The following LYRM4 variants were observed in gnomAD, a reference collection of about 807,000 sequenced individuals.
The protein encoded by LYRM4 is LYR motif-containing protein 4.
LYRM4 carries 9 observed loss-of-function variants against 11.7 expected under a neutral mutation model. The ratio of observed to expected loss-of-function variants is 0.77; its 90% CI spans 0.46 to 1.34. The LOEUF is 1.34. Among genes scored for constraint, LYRM4 ranks in the 40% most tolerant of loss-of-function variants. The pLI, the probability that LYRM4 is intolerant of heterozygous loss-of-function variation, is 0.00. For synonymous variants in LYRM4, 42 were observed against 40.4 expected (o/e 1.04, Z -0.15); for missense variants, 133 against 112.5 (o/e 1.18, Z -0.82).
At chr6:5,178,217 A>AT (rs992057206) in intron 2 of LYRM4, among the ~76,000 whole-genome samples, 3 of 152,102 alleles carry the variant, frequency 2.0e-5, no homozygotes, top group African/African-American at 7.2e-5. Context: ...TTGAGGGTAG[A>AT]TTTTTTTGGT....
At chr6:5,085,581 C>G in the LYRM4 span, 1 of 1,545,068 alleles carries the variant, frequency 6.5e-7, no homozygotes, top group East Asian at 2.4e-5. Flanking sequence ...CCCCGGTGGT[C>G]CCCTGTGTGC....
the LYRM4 span, chr6:5,066,843 G>T: frequency 1.2e-6 from 1 of 806,728 alleles, no homozygotes. Context: ...CTGCGGAGAG[G>T]AGTCAGACAG....
At chr6:5,123,621 C>T (rs527541487) in intron 2 of LYRM4, among the ~76,000 whole-genome samples, 61 of 152,334 alleles carry the variant, frequency 4.0e-4, no homozygotes, top group African/African-American at 1.4e-3. Flanking sequence ...ATAAACTGCC[C>T]TCCTCCCTTT....
At chr6:5,041,477 C>A in the LYRM4 span, among the ~76,000 whole-genome samples, 5 of 152,190 alleles carry the variant, frequency 3.3e-5, no homozygotes, top group Non-Finnish European at 7.3e-5. Flanking sequence ...GTATTTGCTC[C>A]ACCAGCTTAC....
intron 2 of LYRM4, among the ~76,000 whole-genome samples, chr6:5,116,984 T>C (rs570326710): frequency 6.6e-6 from 1 of 152,000 alleles, no homozygotes; most frequent in South Asian, 2.1e-4. Context: ...GCCAGGGGAG[T>C]GGGTGGGGAA....
chr6:5,247,956 GA>G (rs1764268155), intron 1 of LYRM4, among the ~76,000 whole-genome samples: 1 of 152,086 alleles, frequency 6.6e-6, no homozygotes, highest in South Asian at 2.1e-4. Flanking sequence ...GAAAAAGAGA[GA>G]AATAAGCAGA....
intron 1 of LYRM4, among the ~76,000 whole-genome samples, chr6:5,257,789 G>A (rs890326926): frequency 1.2e-4 from 18 of 152,310 alleles, no homozygotes; most frequent in African/African-American, 4.3e-4. Context: ...CCGGTCCATG[G>A]AAAAACTGTC....
the LYRM4 span, among the ~76,000 whole-genome samples, chr6:5,078,728 T>C: frequency 2.2e-4 from 34 of 152,208 alleles, no homozygotes; most frequent in African/African-American, 8.2e-4. Flanking sequence ...CATATTTCAG[T>C]TTGTGTTGAT....
the LYRM4 span, among the ~76,000 whole-genome samples, chr6:5,035,601 TCCTC>T: frequency 8.7e-3 from 2 of 230 alleles, 1 homozygote; most frequent in African/African-American, 0.059. Context: ...TCCCTTCCCC[TCCTC>T]CCCTCCCTCC....
chr6:5,120,981 G>A (rs1460383446), intron 2 of LYRM4, among the ~76,000 whole-genome samples: 2 of 152,164 alleles, frequency 1.3e-5, no homozygotes, highest in Admixed American at 6.5e-5. Context: ...AGGTAGTTGG[G>A]GGGTGGGGGC....
chr6:5,057,226 C>A, the LYRM4 span, among the ~76,000 whole-genome samples: 1 of 151,924 alleles, frequency 6.6e-6, no homozygotes, highest in African/African-American at 2.4e-5. Flanking sequence ...TGGGGGCCCA[C>A]GAGCCACACC....
intron 2 of LYRM4, among the ~76,000 whole-genome samples, chr6:5,151,601 G>A (rs1055703925): frequency 3.9e-5 from 6 of 152,080 alleles, no homozygotes; most frequent in South Asian, 2.1e-4. Flanking sequence ...GTATCAATTC[G>A]CCAAGCATTT....
At chr6:5,234,459 A>G (rs753007759) in intron 1 of LYRM4, among the ~76,000 whole-genome samples, 1 of 152,236 alleles carries the variant, frequency 6.6e-6, no homozygotes, top group Non-Finnish European at 1.5e-5. Context: ...CACATATTAC[A>G]AATTACTCTA....
intron 1 of LYRM4, among the ~76,000 whole-genome samples, chr6:5,260,280 G>A (rs1764954183): frequency 6.6e-6 from 1 of 152,196 alleles, no homozygotes. Context: ...CAGTGCTCAA[G>A]GGAAGTTTTA....
chr6:5,201,979 T>C (rs921172431), intron 2 of LYRM4, among the ~76,000 whole-genome samples: 1 of 152,152 alleles, frequency 6.6e-6, no homozygotes. Context: ...ATCTGCAAAA[T>C]AAGGAGGCCC....
the LYRM4 span, among the ~76,000 whole-genome samples, chr6:5,067,601 C>T: frequency 6.6e-6 from 1 of 152,204 alleles, no homozygotes; most frequent in Non-Finnish European, 1.5e-5. Context: ...CTGCAGCCTC[C>T]TGTTGGTTAC....
intron 1 of LYRM4, among the ~76,000 whole-genome samples, chr6:5,254,454 A>G (rs1764579609): frequency 6.6e-6 from 1 of 152,216 alleles, no homozygotes; most frequent in Admixed American, 6.5e-5. Flanking sequence ...TCCTATTTTG[A>G]TTAATAAAGA....
At chr6:5,063,033 G>A in the LYRM4 span, among the ~76,000 whole-genome samples, 1 of 152,120 alleles carries the variant, frequency 6.6e-6, no homozygotes, top group Non-Finnish European at 1.5e-5. Context: ...GGGTCTGCTC[G>A]TTCACAAAGC....
At chr6:5,081,214 T>C in the LYRM4 span, among the ~76,000 whole-genome samples, 1 of 150,418 alleles carries the variant, frequency 6.6e-6, no homozygotes, top group Non-Finnish European at 1.5e-5. Context: ...ACTATTAACT[T>C]CAGGGCTTTG....
Sources: allele counts gnomAD v4.1 joint callset (sites outside exome capture counted in the v4.1 genomes callset), GRCh38; gene constraint gnomAD v4.1.1; transcripts MANE v1.5; gene names NCBI Gene and HGNC (gene_info 2026-07-23, HGNC 2026-07-21).